The following GPR39 variants were observed in gnomAD, a reference collection of about 807,000 sequenced individuals.
The protein encoded by GPR39 is zinc sensing receptor.
In GPR39, 23 loss-of-function variants were observed where a neutral mutation model predicts 18.4. The ratio of observed to expected loss-of-function variants is 1.25; its 90% CI spans 0.90 to 1.77. The LOEUF is 1.77. GPR39 is among the 40% of genes most tolerant of loss of function. The pLI, the probability that GPR39 is intolerant of heterozygous loss-of-function variation, is 0.00. For missense variants in GPR39, 647 were observed against 602.4 expected (o/e 1.07, Z -0.78); for synonymous variants, 280 against 257.9 (o/e 1.09, Z -0.82).
chr2:132,625,275 G>A lies in GPR39; in HGVS notation c.857-19826G>A, dbSNP rs1681522136. On this transcript the variant is annotated intron_variant, in intron 1 of 1. Transcript: ENST00000329321. ...CTGGCATTTGTTGACTGGCCACTTG[G>A]CTGGCCTCCTTCCTCTGTGAAGTGC... Among the ~76,000 whole-genome samples, 5 of 152,242 alleles carry A rather than the reference G, an allele frequency of 3.3e-5. No homozygotes were observed. In the South Asian group the frequency reaches 1.0e-3, roughly 32 times the overall value.
intron 1 of GPR39, among the ~76,000 whole-genome samples, chr2:132,612,456 C>G (rs1291148673): frequency 1.3e-5 from 2 of 152,152 alleles, no homozygotes; most frequent in East Asian, 3.8e-4. Flanking sequence ...ACGTTCTATG[C>G]TTTTTTTCTG....
intron 1 of GPR39, among the ~76,000 whole-genome samples, chr2:132,585,681 G>A (rs944797601): frequency 6.6e-6 from 1 of 152,126 alleles, no homozygotes; most frequent in Non-Finnish European, 1.5e-5. Context: ...GTGGCCAGTG[G>A]AGTGGACGGG....
intron 1 of GPR39, among the ~76,000 whole-genome samples, chr2:132,587,608 T>G (rs181183184): frequency 6.6e-6 from 1 of 152,184 alleles, no homozygotes; most frequent in Admixed American, 6.5e-5. Flanking sequence ...CTCAGCTCAC[T>G]GCAACCTCTG....
At chr2:132,566,449 G>C (rs1443132440) in intron 1 of GPR39, among the ~76,000 whole-genome samples, 1 of 152,124 alleles carries the variant, frequency 6.6e-6, no homozygotes, top group African/African-American at 2.4e-5. Flanking sequence ...CCATTGCTTA[G>C]TTTCCTAGGA....
At chr2:132,586,637 GCA>G (rs1558849188) in intron 1 of GPR39, among the ~76,000 whole-genome samples, 1 of 152,200 alleles carries the variant, frequency 6.6e-6, no homozygotes, top group Non-Finnish European at 1.5e-5. Context: ...TTCAGGCCTG[GCA>G]GGCATCACAT....
chr2:132,552,796 A>ATGTGTG (rs59345614), intron 1 of GPR39, among the ~76,000 whole-genome samples: 1 of 144,904 alleles, frequency 6.9e-6, no homozygotes, highest in African/African-American at 2.6e-5. Context: ...ATGTGTATAT[A>ATGTGTG]TGTGTGTGTG....
intron 1 of GPR39, among the ~76,000 whole-genome samples, chr2:132,569,654 C>G (rs1323750538): frequency 2.6e-5 from 4 of 151,840 alleles, no homozygotes; most frequent in East Asian, 1.9e-4. Context: ...CCCATCGTTC[C>G]CTAGAGCTGG....
intron 1 of GPR39, among the ~76,000 whole-genome samples, chr2:132,549,463 C>T (rs1296797530): frequency 1.3e-5 from 2 of 152,192 alleles, no homozygotes; most frequent in Non-Finnish European, 2.9e-5. Context: ...CCTTCACCCT[C>T]TCACTTTGAC....
intron 1 of GPR39, among the ~76,000 whole-genome samples, chr2:132,513,369 G>A (rs13401957): frequency 0.55 from 83,688 of 151,770 alleles, 23,744 homozygotes; most frequent in Non-Finnish European, 0.62. Context: ...AGGCTGAAGC[G>A]GGAGGATGGC....
At chr2:132,546,823 T>C (rs1679957279) in intron 1 of GPR39, among the ~76,000 whole-genome samples, 1 of 98,288 alleles carries the variant, frequency 1.0e-5, no homozygotes, top group South Asian at 3.5e-4. Context: ...TTCTCCAGGA[T>C]GCAGTAGCTC....
At chr2:132,492,475 TACACCATATATATACACCATATATAC>T (rs1558814336) in intron 1 of GPR39, among the ~76,000 whole-genome samples, 2 of 142,770 alleles carry the variant, frequency 1.4e-5, no homozygotes, top group African/African-American at 5.1e-5. Context: ...ACCATATATA[TACACCATATATATACACCATATATAC>T]ACACCATATA....
At chr2:132,448,115 G>T (rs1680571137) in intron 1 of GPR39, among the ~76,000 whole-genome samples, 1 of 152,174 alleles carries the variant, frequency 6.6e-6, no homozygotes, top group Admixed American at 6.5e-5. Context: ...AAGACTTAAA[G>T]AATTTTAGGG....
At chr2:132,518,011 A>G (rs1371535680) in intron 1 of GPR39, among the ~76,000 whole-genome samples, 1 of 152,176 alleles carries the variant, frequency 6.6e-6, no homozygotes, top group Non-Finnish European at 1.5e-5. Context: ...CTATAAATGT[A>G]TTGGCATAAC....
intron 1 of GPR39, among the ~76,000 whole-genome samples, chr2:132,432,694 A>G (rs928782305): frequency 2.0e-5 from 3 of 152,346 alleles, no homozygotes; most frequent in Non-Finnish European, 4.4e-5. Context: ...ACCAGAAAGT[A>G]CAAAAATTTA....
intron 1 of GPR39, among the ~76,000 whole-genome samples, chr2:132,486,170 G>A (rs1251535056): frequency 6.6e-6 from 1 of 152,188 alleles, no homozygotes; most frequent in Admixed American, 6.5e-5. Flanking sequence ...AGTATCAACA[G>A]TGGGCTTAAA....
chr2:132,606,717 G>A (rs192285162), intron 1 of GPR39, among the ~76,000 whole-genome samples: 9 of 152,284 alleles, frequency 5.9e-5, no homozygotes, highest in South Asian at 2.1e-4. Context: ...TAGATCACAC[G>A]AGGGCTTAGA....
At chr2:132,437,508 T>C (rs983157395) in intron 1 of GPR39, among the ~76,000 whole-genome samples, 2 of 152,072 alleles carry the variant, frequency 1.3e-5, no homozygotes, top group Non-Finnish European at 2.9e-5. Context: ...CGGTGCTACC[T>C]CCTGAGGCAG....
Position 132,580,973 on chromosome 2 carries a change from C to CA in GPR39, c.857-64117dup, listed in dbSNP as rs572666834. Among the ~76,000 whole-genome samples, 389 of 94,650 alleles carry CA rather than the reference C, an allele frequency of 4.1e-3. 5 individuals carry two copies. In the South Asian group the frequency reaches 0.042, roughly 10 times the overall value. 62.1% of individuals were successfully genotyped at this position (94,650 alleles called of 152,430 possible). A position where few individuals can be genotyped will look rare whatever the true frequency, so the allele number is the denominator to read the frequency against. ...GGGACTCTGTCTCAAAAAAAAAAAA[C>CA]AAAAAAAAAAACACCAAAAAAAAAC... On this transcript the variant is annotated intron_variant, in intron 1 of 1. Transcript: ENST00000329321.
chr2:132,418,915 A>G (rs1163490279), intron 1 of GPR39, among the ~76,000 whole-genome samples: 1 of 152,194 alleles, frequency 6.6e-6, no homozygotes, highest in Non-Finnish European at 1.5e-5. Flanking sequence ...AGGAAAAGGA[A>G]TAAATCATGG....
Sources: allele counts gnomAD v4.1 joint callset (sites outside exome capture counted in the v4.1 genomes callset), GRCh38; gene constraint gnomAD v4.1.1; transcripts MANE v1.5; gene names NCBI Gene and HGNC (gene_info 2026-07-23, HGNC 2026-07-21).